Variants in LRMDA observed in about 807,000 individuals in gnomAD.
LRMDA encodes the protein leucine-rich melanocyte differentiation-associated protein.
A neutral mutation model predicts 29.8 loss-of-function variants in LRMDA; 18 were observed. That is an observed-to-expected ratio of 0.60 (90% CI 0.42 to 0.90). The LOEUF (loss-of-function observed/expected upper bound fraction) is 0.90. LRMDA is among the 40% of genes least tolerant of loss of function. The pLI, the probability that LRMDA is intolerant of heterozygous loss-of-function variation, is 0.00. For missense variants in LRMDA, 273 were observed against 273.9 expected (o/e 1.00, Z 0.02); for synonymous variants, 125 against 109.4 (o/e 1.14, Z -0.89).
chr10:75,816,661 A>T (rs1415660073), intron 2 of LRMDA, among the ~76,000 whole-genome samples: 1 of 152,270 alleles, frequency 6.6e-6, no homozygotes, highest in African/African-American at 2.4e-5. Context: ...TGTAAGTAAC[A>T]GAAGCCCATT....
intron 6 of LRMDA, among the ~76,000 whole-genome samples, chr10:76,374,387 T>G (rs1314421591): frequency 1.3e-5 from 2 of 152,178 alleles, no homozygotes; most frequent in Non-Finnish European, 2.9e-5. Flanking sequence ...TGGTTGCTAT[T>G]TTAATGGCAG....
intron 2 of LRMDA, among the ~76,000 whole-genome samples, chr10:75,580,186 C>T (rs940002991): frequency 1.3e-5 from 2 of 152,098 alleles, no homozygotes; most frequent in Non-Finnish European, 2.9e-5. Flanking sequence ...TTGTCTCAGC[C>T]CAAAATCTCC....
At chr10:75,726,274 G>A (rs1842630053) in intron 2 of LRMDA, among the ~76,000 whole-genome samples, 1 of 152,138 alleles carries the variant, frequency 6.6e-6, no homozygotes, top group Non-Finnish European at 1.5e-5. Flanking sequence ...GTGGTGAGTG[G>A]GGGTAATAGA....
chr10:76,444,807 A>G (rs761826308), intron 6 of LRMDA, among the ~76,000 whole-genome samples: 6 of 152,078 alleles, frequency 3.9e-5, no homozygotes, highest in Non-Finnish European at 7.4e-5. Context: ...CAGTATGTAT[A>G]TGTGTGTGTG....
chr10:76,120,779 C>G (rs1849771673), intron 5 of LRMDA, among the ~76,000 whole-genome samples: 1 of 150,782 alleles, frequency 6.6e-6, no homozygotes, highest in African/African-American at 2.4e-5. Flanking sequence ...AAAATTAGCT[C>G]TGGAACTGGG....
At chr10:75,701,682 A>G (rs12243446) in intron 2 of LRMDA, among the ~76,000 whole-genome samples, 5,760 of 152,290 alleles carry the variant, frequency 0.038, 281 homozygotes, top group African/African-American at 0.11. Context: ...CACTAGCTGA[A>G]TCATGAGCTG....
At chr10:76,531,588 T>C (rs534084828) in intron 6 of LRMDA, among the ~76,000 whole-genome samples, 17 of 152,316 alleles carry the variant, frequency 1.1e-4, no homozygotes, top group African/African-American at 3.8e-4. Flanking sequence ...ATATCAGTTA[T>C]ATTTATTTTT....
intron 5 of LRMDA, among the ~76,000 whole-genome samples, chr10:76,075,235 T>C (rs1301817861): frequency 6.6e-6 from 1 of 152,216 alleles, no homozygotes; most frequent in African/African-American, 2.4e-5. Flanking sequence ...AAAGAGGTAA[T>C]TTAGTTAAAA....
chr10:75,451,018 G>C (rs968404329), intron 2 of LRMDA: 1 of 152,270 alleles, frequency 6.6e-6, no homozygotes, highest in African/African-American at 2.4e-5. Flanking sequence ...AAAGAGGAGA[G>C]ATGATGGTTG....
chr10:75,538,312 C>G (rs985235042), intron 2 of LRMDA, among the ~76,000 whole-genome samples: 1 of 152,106 alleles, frequency 6.6e-6, no homozygotes, highest in Non-Finnish European at 1.5e-5. Flanking sequence ...GCGATTTGGC[C>G]GAGTCCCTGC....
chr10:76,066,459 A>G (rs1848787331), intron 5 of LRMDA, among the ~76,000 whole-genome samples: 2 of 152,224 alleles, frequency 1.3e-5, no homozygotes, highest in Non-Finnish European at 2.9e-5. Context: ...AGGTGGAACC[A>G]GGTCCTTTTT....
intron 5 of LRMDA, among the ~76,000 whole-genome samples, chr10:76,300,662 C>T (rs1425678238): frequency 6.6e-6 from 1 of 152,158 alleles, no homozygotes; most frequent in African/African-American, 2.4e-5. Flanking sequence ...GGGCATTTGC[C>T]CCAATCCCTT....
intron 2 of LRMDA, among the ~76,000 whole-genome samples, chr10:75,639,508 G>A (rs1167706829): frequency 6.6e-6 from 1 of 152,178 alleles, no homozygotes; most frequent in East Asian, 1.9e-4. Context: ...GCAAATGGGT[G>A]AATTTCATTA....
At chr10:76,169,967 T>C (rs11001660) in intron 5 of LRMDA, among the ~76,000 whole-genome samples, 26,145 of 152,132 alleles carry the variant, frequency 0.17, 2,876 homozygotes, top group East Asian at 0.52. Flanking sequence ...CCTTGGATGA[T>C]GGCCATTTCT....
intron 6 of LRMDA, among the ~76,000 whole-genome samples, chr10:76,400,785 C>G (rs569640432): frequency 6.6e-6 from 1 of 152,268 alleles, no homozygotes; most frequent in South Asian, 2.1e-4. Flanking sequence ...TGCCATCGTT[C>G]TATACCTCAG....
chr10:75,443,114 C>A (rs1298962107), intron 2 of LRMDA, among the ~76,000 whole-genome samples: 1 of 151,978 alleles, frequency 6.6e-6, no homozygotes, highest in Non-Finnish European at 1.5e-5. Context: ...GTGTAGTCTT[C>A]ATGGTTTTCT....
chr10:76,257,737 C>T (rs1415101350), intron 5 of LRMDA, among the ~76,000 whole-genome samples: 1 of 152,114 alleles, frequency 6.6e-6, no homozygotes, highest in Non-Finnish European at 1.5e-5. Flanking sequence ...TTTTATCTTG[C>T]AACAAACCAC....
chr10:75,611,420 A>T (rs1207305860), intron 2 of LRMDA, among the ~76,000 whole-genome samples: 1 of 152,204 alleles, frequency 6.6e-6, no homozygotes, highest in Non-Finnish European at 1.5e-5. Context: ...CATTACCCGC[A>T]TTCACATTGC....
intron 5 of LRMDA, among the ~76,000 whole-genome samples, chr10:76,194,804 G>C (rs547456824): frequency 1.6e-4 from 24 of 152,266 alleles, no homozygotes; most frequent in Admixed American, 1.3e-3. Context: ...TTTATCAAAA[G>C]GCCACAAAAT....
Sources: allele counts gnomAD v4.1 joint callset (sites outside exome capture counted in the v4.1 genomes callset), GRCh38; gene constraint gnomAD v4.1.1; transcripts MANE v1.5; gene names NCBI Gene and HGNC (gene_info 2026-07-23, HGNC 2026-07-21).